AMZ1: variants seen among roughly 807,000 people sequenced by gnomAD.
The protein encoded by AMZ1 is archaelysin family metallopeptidase 1, also known as archaemetzincin-1.
A neutral mutation model predicts 29.9 loss-of-function variants in AMZ1; 39 were observed. The ratio of observed to expected loss-of-function variants is 1.30; its 90% CI spans 1.01 to 1.70. The LOEUF is 1.70. Among genes scored for constraint, AMZ1 ranks in the 40% most tolerant of loss-of-function variants. The pLI, the probability that AMZ1 is intolerant of heterozygous loss-of-function variation, is 0.00. For missense variants in AMZ1, 1,041 were observed against 680.6 expected (o/e 1.53, Z -5.89); for synonymous variants, 458 against 304.0 (o/e 1.51, Z -5.27).
chr7:2,708,537 T>C (rs190130144), intron 3 of AMZ1, 51 bp from the exon 4 acceptor site: 1 of 1,605,268 alleles, frequency 6.2e-7, no homozygotes, highest in Non-Finnish European at 8.5e-7. Context: ...GCCTGGAAGA[T>C]GGGGGTCCCC....
upstream of AMZ1, chr7:2,762,564 A>T: frequency 1.4e-6 from 2 of 1,431,816 alleles, no homozygotes; most frequent in East Asian, 2.5e-5. Flanking sequence ...AGATCCAATG[A>T]CATTTCCTGA....
chr7:2,740,605 G>A (rs1790450496), intron 4 of AMZ1, among the ~76,000 whole-genome samples: 1 of 152,126 alleles, frequency 6.6e-6, no homozygotes, highest in African/African-American at 2.4e-5. Flanking sequence ...ATGAACTTGT[G>A]GATTTTCATC....
At position 2,731,077 on chromosome 7, in the gene AMZ1, A is replaced by C. The variant is rs1583201837; in HGVS notation, n.550+21261A>C. ...CTGAGCCAGGTATTCCAGGGCACGGATCCGAGAAACCCACTCAAGGACCAC... is the reference window on the plus strand; with the variant it reads ...CTGAGCCAGGTATTCCAGGGCACGGCTCCGAGAAACCCACTCAAGGACCAC... On this transcript the variant is annotated intron_variant and non_coding_transcript_variant, in intron 4 of 4. Transcript: ENST00000489665. This position sits in a 1 kb window ranked among gnomAD's most constrained non-coding sequence, Gnocchi z 6.0. The C allele has an allele frequency of 2.7e-6, 2 of 739,668 alleles. No individual in the cohort carries two copies. Among genetic ancestry groups the C allele is most frequent in the Non-Finnish European group, 4.5e-6 (2 of 447,698 alleles). The allele number at this position is 739,668 out of a possible 1,614,324, so 45.8% of individuals were successfully genotyped here.
intron 2 of AMZ1, 118 bp downstream of exon 2, chr7:2,700,873 G>A: frequency 1.5e-6 from 2 of 1,351,776 alleles, no homozygotes; most frequent in Non-Finnish European, 2.0e-6. Context: ...GAGGGTCCTG[G>A]GTGTATGGGA....
upstream of AMZ1, among the ~76,000 whole-genome samples, chr7:2,686,706 G>GTT (rs1243421629): frequency 4.6e-5 from 7 of 151,584 alleles, no homozygotes; most frequent in Admixed American, 2.0e-4. Flanking sequence ...GTGTTGTGTT[G>GTT]TTTTTCTCTC....
chr7:2,702,990 C>G (rs938408320), intron 3 of AMZ1, 101 bp downstream of exon 3: 1 of 1,412,960 alleles, frequency 7.1e-7, no homozygotes, highest in African/African-American at 1.5e-5. Context: ...CCTTTTCTTC[C>G]TTTTTGCTGG....
chr7:2,709,958 A>G (rs1788660812), intron 6 of AMZ1, 142 bp downstream of exon 6: 6 of 1,180,088 alleles, frequency 5.1e-6, no homozygotes, highest in African/African-American at 3.1e-5. Context: ...GAGCCCTGGG[A>G]CCTGCGCTGG....
At chr7:2,685,748 G>A (rs917862391), upstream of AMZ1, among the ~76,000 whole-genome samples, 2 of 151,246 alleles carry the variant, frequency 1.3e-5, no homozygotes, top group African/African-American at 4.9e-5. Context: ...AGCTACTTAG[G>A]AGGCTGAGGC....
intron 4 of AMZ1, among the ~76,000 whole-genome samples, chr7:2,746,410 A>G (rs138995276): frequency 0.037 from 5,557 of 152,234 alleles, 182 homozygotes; most frequent in Middle Eastern, 0.11. Flanking sequence ...ACCTGCTCCT[A>G]AATGACTACT....
Position 2,708,639 on chromosome 7 carries a change from T to G in AMZ1, c.524T>G (p.Val175Gly), listed in dbSNP as rs764158722. ...KNNKPGDALCVLGLTLSDLYP... is the reference protein window; with the variant it reads ...KNNKPGDALCGLGLTLSDLYP... ...AACAAGCCAGGGGACGCGCTGTGTG[T>G]GCTGGGCCTCACACTGTCTGACCTG... The change falls in exon 4 of 7, where the codon GTG (valine) becomes GGG (glycine). Residue 175 changes from valine (V) to glycine (G), a missense_variant. By Grantham distance (109) the Val-to-Gly change is moderately radical (BLOSUM62 -3). Transcript: ENST00000683327. 1 of 1,613,220 alleles carries G rather than the reference T, an allele frequency of 6.2e-7. No individual in the cohort carries two copies. Among genetic ancestry groups the G allele is most frequent in the Non-Finnish European group, 8.5e-7 (1 of 1,179,982 alleles).
At chr7:2,752,943 C>A (rs1791108516) in intron 4 of AMZ1, among the ~76,000 whole-genome samples, 1 of 152,186 alleles carries the variant, frequency 6.6e-6, no homozygotes, top group African/African-American at 2.4e-5. Flanking sequence ...ACCACCACTG[C>A]AATCAAGAGA....
intron 4 of AMZ1, chr7:2,733,607 T>G: frequency 1.2e-6 from 1 of 815,436 alleles, no homozygotes; most frequent in African/African-American, 1.7e-5. Context: ...CGCCTCCGTG[T>G]GAATGGGAAA....
chr7:2,720,013 A>G (rs1789350676), downstream of AMZ1, among the ~76,000 whole-genome samples: 1 of 152,218 alleles, frequency 6.6e-6, no homozygotes, highest in Non-Finnish European at 1.5e-5. Context: ...GCTTAAACGA[A>G]GAGGATGAAA....
chr7:2,704,614 TA>T (rs754433785), intron 3 of AMZ1, among the ~76,000 whole-genome samples: 11,511 of 112,462 alleles, frequency 0.1, 3,115 homozygotes, highest in Non-Finnish European at 0.15. Flanking sequence ...TTTTTTTTTT[TA>T]AGACGGAGTC....
downstream of AMZ1, among the ~76,000 whole-genome samples, chr7:2,720,837 G>GCTAA (rs1243898114): frequency 6.6e-6 from 1 of 152,088 alleles, no homozygotes; most frequent in Non-Finnish European, 1.5e-5. Flanking sequence ...TCTACACTGA[G>GCTAA]CTAACTAAAA....
chr7:2,723,508 T>G (rs1000076842), downstream of AMZ1, among the ~76,000 whole-genome samples: 1 of 152,158 alleles, frequency 6.6e-6, no homozygotes, highest in Non-Finnish European at 1.5e-5. Flanking sequence ...GTGGCGAAGA[T>G]CTCCTGCATC....
chr7:2,712,284 C>A, intron 6 of AMZ1, 46 bp from the exon 7 acceptor site: 1 of 1,501,268 alleles, frequency 6.7e-7, no homozygotes, highest in Non-Finnish European at 8.9e-7. Context: ...CCTGGCTAGA[C>A]AAGGGCTGGC....
intron 4 of AMZ1, among the ~76,000 whole-genome samples, chr7:2,740,474 T>C (rs942494661): frequency 2.0e-5 from 3 of 152,178 alleles, no homozygotes; most frequent in African/African-American, 7.2e-5. Flanking sequence ...CAGAACCTGA[T>C]GGTGCTGCCA....
chr7:2,735,191 C>T (rs528802518), intron 4 of AMZ1, among the ~76,000 whole-genome samples: 5 of 152,342 alleles, frequency 3.3e-5, no homozygotes, highest in Admixed American at 3.3e-4. Flanking sequence ...TCCCCTGGGC[C>T]TCGGGAGGTG....
Sources: gnomAD v4.1 joint callset for allele counts (sites outside exome capture counted in the v4.1 genomes callset) on GRCh38, gnomAD v4.1.1 for gene constraint, Gnocchi (gnomAD v3.1) non-coding constraint, MANE v1.5 for transcripts, NCBI Gene and HGNC (gene_info 2026-07-23, HGNC 2026-07-21) for gene names.